RIMKLA: variants seen among roughly 807,000 people sequenced by gnomAD.
RIMKLA encodes N-acetylaspartylglutamate synthase A.
In RIMKLA, 14 loss-of-function variants were observed where a neutral mutation model predicts 32.7. That is an observed-to-expected ratio of 0.43 (90% CI 0.28 to 0.67). RIMKLA has a LOEUF of 0.67. RIMKLA is among the 30% of genes least tolerant of loss of function. The probability of loss-of-function intolerance (pLI) is 0.18; values close to 1 mark genes in which losing one functional copy is unlikely to be tolerated. For missense variants in RIMKLA, 410 were observed against 519.0 expected, an observed-to-expected ratio of 0.79 and a Z score of 2.04; for synonymous variants, 176 against 204.1, an observed-to-expected ratio of 0.86 and a Z score of 1.18.
intron 3 of RIMKLA, among the ~76,000 whole-genome samples, chr1:42,406,771 A>G (rs777902114): frequency 2.6e-5 from 4 of 152,158 alleles, no homozygotes; most frequent in Non-Finnish European, 5.9e-5. Flanking sequence ...GCATTTACCC[A>G]AAGACTAATG....
chr1:42,385,605 A>G (rs1570313419), intron 1 of RIMKLA, among the ~76,000 whole-genome samples: 1 of 152,296 alleles, frequency 6.6e-6, no homozygotes, highest in Admixed American at 6.5e-5. Flanking sequence ...TGTTTCTAAC[A>G]GGAGTTTTTA....
Position 42,416,105 on chromosome 1 carries a change from T to G in RIMKLA, c.*1131T>G, listed in dbSNP as rs1025275942. The G allele has an allele frequency of 7.2e-6, 1 of 138,922 alleles. No individual in the cohort carries two copies. The highest frequency in any genetic ancestry group is 1.6e-5 in the Non-Finnish European group (1 of 63,856). 8.6% of individuals were successfully genotyped at this position (138,922 alleles called of 1,614,324 possible). A position where few individuals can be genotyped will look rare whatever the true frequency, so the allele number is the denominator to read the frequency against. On this transcript the variant is annotated 3_prime_UTR_variant, in exon 5 of 5. Transcript: ENST00000431473. ...CATTTTGCGGGGGGGGGGGCTAATG[T>G]AGACATGACACCAAGTGCTTTTCAT...
chr1:42,422,684 A>G lies in RIMKLA; in HGVS notation c.*7710A>G, dbSNP rs777302626. ...TACATTTTATTATTTTCATATCATAAAATGAGGAAGAGCCTTCACAGAAGA... is the reference window on the plus strand; with the variant it reads ...TACATTTTATTATTTTCATATCATAGAATGAGGAAGAGCCTTCACAGAAGA... On this transcript the variant is annotated 3_prime_UTR_variant, in exon 5 of 5. Coordinates refer to ENST00000431473, the MANE Select transcript of RIMKLA (RefSeq NM_173642.4). 8 of 152,226 alleles carry G rather than the reference A, an allele frequency of 5.3e-5. No individual in the cohort carries two copies. Among genetic ancestry groups the G allele is most frequent in the Non-Finnish European group, 8.8e-5 (6 of 68,048 alleles). 9.4% of individuals were successfully genotyped at this position (152,226 alleles called of 1,614,324 possible).
chr1:42,400,681 A>G (rs949045272), intron 2 of RIMKLA, among the ~76,000 whole-genome samples: 4 of 152,184 alleles, frequency 2.6e-5, no homozygotes, highest in Non-Finnish European at 4.4e-5. Context: ...GTGAAGGATT[A>G]TAGGGGAGAG....
chr1:42,409,957 CT>C, intron 3 of RIMKLA, 26 bp from the exon 4 acceptor site: 9 of 1,591,982 alleles, frequency 5.7e-6, no homozygotes, highest in Non-Finnish European at 7.8e-6. Context: ...TCTCTAACCC[CT>C]TCTCTTGCTC....
At chr1:42,394,479 G>A (rs752720638) in intron 1 of RIMKLA, among the ~76,000 whole-genome samples, 6 of 152,114 alleles carry the variant, frequency 3.9e-5, no homozygotes, top group South Asian at 2.1e-4. Context: ...TACTTTAAAC[G>A]AGATAATGTG....
At chr1:42,399,703 T>G in intron 2 of RIMKLA, 69 bp downstream of exon 2, 1 of 956,718 alleles carries the variant, frequency 1.0e-6, no homozygotes, top group Non-Finnish European at 1.6e-6. Context: ...AACCTTCTAG[T>G]ATCTTTGTTG....
intron 4 of RIMKLA, among the ~76,000 whole-genome samples, chr1:42,411,158 C>T (rs1297920961): frequency 2.0e-5 from 3 of 151,910 alleles, no homozygotes; most frequent in African/African-American, 7.3e-5. Context: ...AGTGAGACCC[C>T]ATCTCTACAA....
At position 42,415,022 on chromosome 1, in the gene RIMKLA, G is replaced by C. The variant is rs1643234057; in HGVS notation, c.*48G>C. 5 of 1,519,348 alleles carry C rather than the reference G, an allele frequency of 3.3e-6. No homozygotes were observed. The highest frequency in any genetic ancestry group is 4.4e-6 in the Non-Finnish European group (5 of 1,135,062). 94.1% of individuals were successfully genotyped at this position (1,519,348 alleles called of 1,614,324 possible). On this transcript the variant is annotated 3_prime_UTR_variant, in exon 5 of 5. Coordinates refer to ENST00000431473, the MANE Select transcript of RIMKLA (RefSeq NM_173642.4). The stretch of plus-strand genomic sequence containing the variant: ...TAAACCAAATCCTACTGCTTCCCTA[G>C]TAGTTTTGAGTGAATAAAATCTGGA...
chr1:42,407,690 A>G (rs1291834066), intron 3 of RIMKLA, among the ~76,000 whole-genome samples: 2 of 152,214 alleles, frequency 1.3e-5, no homozygotes, highest in Non-Finnish European at 2.9e-5. Context: ...ATAGTTCTAT[A>G]TGCCAAGCCA....
At chr1:42,411,353 G>A (rs185148364) in intron 4 of RIMKLA, among the ~76,000 whole-genome samples, 16 of 151,344 alleles carry the variant, frequency 1.1e-4, no homozygotes, top group African/African-American at 3.6e-4. Context: ...AAAAAAAAGA[G>A]AGATAATTAT....
Position 42,414,853 on chromosome 1 carries a change from A to G in RIMKLA, c.1055A>G (p.Glu352Gly). Residue 352 changes from glutamate (E) to glycine (G), a missense_variant, in exon 5 of 5, where the codon GAG (glutamate) becomes GGG (glycine). Coordinates refer to ENST00000431473, the MANE Select transcript of RIMKLA (RefSeq NM_173642.4). Reference protein sequence around the residue: ...INSGSTSSESEPELGEIRDSS... With the variant: ...INSGSTSSESGPELGEIRDSS... The stretch of plus-strand genomic sequence containing the variant: ...AGTGGGTCTACCTCTAGTGAAAGTG[A>G]GCCTGAACTGGGAGAGATCCGGGAT... 1 of 1,614,200 alleles carries G rather than the reference A, an allele frequency of 6.2e-7. No individual in the cohort carries two copies. Among genetic ancestry groups the G allele is most frequent in the Non-Finnish European group, 8.5e-7 (1 of 1,180,040 alleles).
At chr1:42,399,983 A>C (rs1643082792) in intron 2 of RIMKLA, among the ~76,000 whole-genome samples, 1 of 152,226 alleles carries the variant, frequency 6.6e-6, no homozygotes, top group African/African-American at 2.4e-5. Flanking sequence ...CTATGAAAAG[A>C]ATAAGTGCAG....
chr1:42,396,114 T>C (rs2148387990), intron 1 of RIMKLA, among the ~76,000 whole-genome samples: 1 of 151,656 alleles, frequency 6.6e-6, no homozygotes, highest in South Asian at 2.1e-4. Context: ...CAGGCACCTG[T>C]AATCCCAGCT....
In RIMKLA at chr1:42,414,553, T is replaced by C; in HGVS notation, c.755T>C (p.Leu252Pro). 6.2e-7 allele frequency: 1 copy of C among 1,614,254 alleles called. No homozygotes were observed. Among genetic ancestry groups the C allele is most frequent in the South Asian group, 1.1e-5 (1 of 91,088 alleles). ...TTGGCTATTCAGGTGTCCAACATCC[T>C]AGGCATGGACTTCTGTGGCATTGAT... ...KQLAIQVSNILGMDFCGIDLL... is the reference protein window; with the variant it reads ...KQLAIQVSNIPGMDFCGIDLL... Residue 252 changes from leucine (L) to proline (P), a missense_variant, in exon 5 of 5, where the codon CTA becomes CCA. Physicochemically the swap from Leu to Pro is moderately conservative, Grantham distance 98. Coordinates refer to ENST00000431473, the MANE Select transcript of RIMKLA (RefSeq NM_173642.4).
chr1:42,404,729 C>A, intron 3 of RIMKLA, 132 bp downstream of exon 3: 1 of 612,250 alleles, frequency 1.6e-6, no homozygotes, highest in Non-Finnish European at 2.9e-6. Flanking sequence ...GTGTTTCTTT[C>A]TCTTTGTCCT....
chr1:42,396,547 GTC>G (rs1359021095), intron 1 of RIMKLA: 1 of 152,214 alleles, frequency 6.6e-6, no homozygotes, highest in Non-Finnish European at 1.5e-5. Flanking sequence ...AGGCTGAGTT[GTC>G]TCTGTCCACT....
At chr1:42,404,008 G>A (rs774593439) in intron 2 of RIMKLA, among the ~76,000 whole-genome samples, 4 of 152,094 alleles carry the variant, frequency 2.6e-5, no homozygotes, top group Admixed American at 2.6e-4. Context: ...CTCCTTCAAG[G>A]CCAGCAGAAG....
chr1:42,404,821 C>T (rs766101092), intron 3 of RIMKLA, among the ~76,000 whole-genome samples: 1 of 152,312 alleles, frequency 6.6e-6, no homozygotes, highest in Non-Finnish European at 1.5e-5. Context: ...GATCAGTTTC[C>T]CTAACTCCAC....
Sources: allele counts gnomAD v4.1 joint callset (sites outside exome capture counted in the v4.1 genomes callset), GRCh38; gene constraint gnomAD v4.1.1; transcripts MANE v1.5; gene names NCBI Gene and HGNC (gene_info 2026-07-23, HGNC 2026-07-21).